The following PRELID3A variants were observed in gnomAD, a reference collection of about 807,000 sequenced individuals.
PRELID3A encodes the protein PRELI domain containing protein 3A.
In PRELID3A, 27 loss-of-function variants were observed where a neutral mutation model predicts 23.0. The observed-to-expected ratio is 1.17, with a 90% CI of 0.87 to 1.62. The LOEUF is 1.62. PRELID3A is among the 40% of genes most tolerant of loss of function. PRELID3A has a pLI of 0.00. For missense variants in PRELID3A, 231 were observed against 231.4 expected (o/e 1.00, Z 0.01); for synonymous variants, 87 against 86.4 (o/e 1.01, Z -0.04).
chr18:12,428,606 GT>G (rs1695071218), intron 5 of PRELID3A, among the ~76,000 whole-genome samples: 1 of 152,178 alleles, frequency 6.6e-6, no homozygotes, highest in Non-Finnish European at 1.5e-5. Flanking sequence ...AGAATAGCCT[GT>G]CTATCTAATT....
Position 12,420,368 on chromosome 18 carries a change from C to A in PRELID3A, c.76C>A (p.Pro26Thr). 1 of 1,611,628 alleles carries A rather than the reference C, an allele frequency of 6.2e-7. No homozygotes were observed. The highest frequency in any genetic ancestry group is 1.1e-5 in the South Asian group (1 of 90,728). The change falls in exon 2 of 7, where the codon CCG (proline) becomes ACG (threonine). Residue 26 changes from proline (P) to threonine (T), a missense_variant. By Grantham distance (38) the Pro-to-Thr change is conservative. Transcript: ENST00000440960. ...CATCCAGGCGGCCATGCGCAAGTAC[C>A]CGAACCCGATGAACCCGAGCGTGCT... ...TVIQAAMRKY[P>T]NPMNPSVLGV...
At chr18:12,411,445 G>A (rs1010745623) in intron 1 of PRELID3A, among the ~76,000 whole-genome samples, 29 of 124,086 alleles carry the variant, frequency 2.3e-4, no homozygotes, top group Non-Finnish European at 4.7e-5. Flanking sequence ...CAGCCTGGGC[G>A]ACAGAGCGAG....
At chr18:12,423,944 C>T (rs2030276544) in intron 3 of PRELID3A, among the ~76,000 whole-genome samples, 1 of 152,190 alleles carries the variant, frequency 6.6e-6, no homozygotes, top group Non-Finnish European at 1.5e-5. Flanking sequence ...GTGCTGTCGG[C>T]CAGCCACACT....
intron 1 of PRELID3A, 141 bp downstream of exon 1, chr18:12,408,148 C>G (rs1217227083): frequency 3.9e-6 from 3 of 769,364 alleles, no homozygotes; most frequent in Non-Finnish European, 5.3e-6. Context: ...GTTCCCAGAC[C>G]GCAACTTCGG....
chr18:12,418,633 A>G (rs2030038192), intron 1 of PRELID3A, among the ~76,000 whole-genome samples: 1 of 152,250 alleles, frequency 6.6e-6, no homozygotes, highest in Non-Finnish European at 1.5e-5. Flanking sequence ...TTGTCAGAGA[A>G]TGTTTGTCCT....
At chr18:12,420,877 A>G (rs2030156538) in intron 2 of PRELID3A, among the ~76,000 whole-genome samples, 1 of 151,446 alleles carries the variant, frequency 6.6e-6, no homozygotes, top group African/African-American at 2.4e-5. Context: ...TGGCATCCCC[A>G]TCTGTCCTCC....
intron 2 of PRELID3A, among the ~76,000 whole-genome samples, chr18:12,420,980 C>G (rs2030161877): frequency 6.6e-6 from 1 of 152,286 alleles, no homozygotes; most frequent in East Asian, 1.9e-4. Context: ...CCAGCCGCAT[C>G]CTAGGGCACC....
Position 12,420,479 on chromosome 18 carries a change from A to G in PRELID3A, c.187A>G (p.Ser63Gly), listed in dbSNP as rs1179540401. 3 of 1,545,416 alleles carry G rather than the reference A, an allele frequency of 1.9e-6. No individual in the cohort carries two copies. Among genetic ancestry groups the G allele is most frequent in the Non-Finnish European group, 2.6e-6 (3 of 1,144,660 alleles). ...RLLSTEWGLPSLVRAILGTSR... is the reference protein window; with the variant it reads ...RLLSTEWGLPGLVRAILGTSR... ...GCTCAGCACCGAGTGGGGGCTGCCC[A>G]GCCTCGTGAGAGCGGTGAGCGGGGC... Residue 63 changes from serine to glycine, a missense_variant, in exon 2 of 7, where the codon AGC (serine) becomes GGC (glycine). Physicochemically the swap from Ser to Gly is moderately conservative, Grantham distance 56. Coordinates refer to ENST00000440960, the MANE Select transcript of PRELID3A (RefSeq NM_001142405.2).
intron 1 of PRELID3A, among the ~76,000 whole-genome samples, chr18:12,409,258 C>T (rs1329285375): frequency 8.7e-5 from 13 of 149,858 alleles, no homozygotes; most frequent in Admixed American, 8.1e-4. Flanking sequence ...CCTCCCCCTC[C>T]TGGGTTCAAG....
chr18:12,411,341 C>T (rs1474191614), intron 1 of PRELID3A, among the ~76,000 whole-genome samples: 2 of 151,584 alleles, frequency 1.3e-5, no homozygotes, highest in African/African-American at 4.8e-5. Context: ...TGGCGGGTGC[C>T]TGTAGTCCCA....
At chr18:12,408,101 C>T in intron 1 of PRELID3A, 94 bp downstream of exon 1, 1 of 1,102,540 alleles carries the variant, frequency 9.1e-7, no homozygotes, top group Non-Finnish European at 1.1e-6. Flanking sequence ...CCGGACCTCA[C>T]AGCGGGCCTC....
chr18:12,426,262 A>G (rs1026282380), intron 3 of PRELID3A, among the ~76,000 whole-genome samples: 1 of 150,838 alleles, frequency 6.6e-6, no homozygotes, highest in Non-Finnish European at 1.5e-5. Flanking sequence ...GAAAAAGAAA[A>G]AGAAAATATA....
At chr18:12,430,508 G>A (rs1478802307) in intron 6 of PRELID3A, among the ~76,000 whole-genome samples, 1 of 149,528 alleles carries the variant, frequency 6.7e-6, no homozygotes, top group African/African-American at 2.5e-5. Context: ...ATGCTGGTGT[G>A]TGATGTGCGT....
At chr18:12,414,030 T>A (rs2029879580) in intron 1 of PRELID3A, among the ~76,000 whole-genome samples, 1 of 152,160 alleles carries the variant, frequency 6.6e-6, no homozygotes, top group South Asian at 2.1e-4. Flanking sequence ...CTGTTTATTG[T>A]TCTTTCTGTT....
At chr18:12,428,321 T>C (rs561764686) in intron 5 of PRELID3A, among the ~76,000 whole-genome samples, 1 of 152,328 alleles carries the variant, frequency 6.6e-6, no homozygotes, top group African/African-American at 2.4e-5. Flanking sequence ...GTTCCTCACA[T>C]TTAAAAGATG....
chr18:12,419,890 C>G (rs1203938768), intron 1 of PRELID3A: 1 of 158,650 alleles, frequency 6.3e-6, no homozygotes, highest in Admixed American at 6.3e-5. Context: ...GATCGCGCCA[C>G]TGCACTCCGG....
chr18:12,430,724 CTG>C (rs1447175966), intron 6 of PRELID3A, among the ~76,000 whole-genome samples: 6 of 138,628 alleles, frequency 4.3e-5, no homozygotes, highest in Admixed American at 2.9e-4. Context: ...AGTGTGTGCT[CTG>C]TGTAATGTGT....
At chr18:12,421,392 G>T (rs774523073) in intron 2 of PRELID3A, 148 bp from the exon 3 acceptor site, 2 of 629,086 alleles carry the variant, frequency 3.2e-6, no homozygotes, top group Non-Finnish European at 5.7e-6. Flanking sequence ...AAGCGCCCTG[G>T]ACACAGGGGT....
chr18:12,426,426 T>C lies in PRELID3A; in HGVS notation c.292-615T>C, dbSNP rs558708303. Among the ~76,000 whole-genome samples the C allele has an allele frequency of 6.4e-4, 97 of 150,538 alleles. No individual in the cohort carries two copies. In the East Asian group the frequency reaches 7.6e-3, roughly 12 times the overall value. Reference sequence around the variant, plus strand: ...AAAATTAGCTGGGCATGGTGGCAGGTGCCTGTAGTCCCAGCTACTCGGGAG... The same window carrying C: ...AAAATTAGCTGGGCATGGTGGCAGGCGCCTGTAGTCCCAGCTACTCGGGAG... On this transcript the variant is annotated intron_variant, in intron 3 of 6. Coordinates refer to ENST00000440960, the MANE Select transcript of PRELID3A (RefSeq NM_001142405.2).
Sources: gnomAD v4.1 joint callset for allele counts (sites outside exome capture counted in the v4.1 genomes callset) on GRCh38, gnomAD v4.1.1 for gene constraint, MANE v1.5 for transcripts, NCBI Gene and HGNC (gene_info 2026-07-23, HGNC 2026-07-21) for gene names.